MSH3: variants seen among roughly 807,000 people sequenced by gnomAD.
MSH3 encodes mutS homolog 3, also known as DNA mismatch repair protein Msh3.
In MSH3, 106 loss-of-function variants were observed where a neutral mutation model predicts 123.3. The ratio of observed to expected loss-of-function variants is 0.86; its 90% confidence interval spans 0.73 to 1.01. The LOEUF (loss-of-function observed/expected upper bound fraction) is 1.01. Among genes scored for constraint, MSH3 ranks in the 50% least tolerant of loss-of-function variants. The pLI is 0.00. For missense variants in MSH3, 1,459 were observed against 1,347.6 expected (o/e 1.08, Z -1.29); for synonymous variants, 515 against 481.4 (o/e 1.07, Z -0.91).
chr5:80,825,741 A>T (rs1303588188), intron 20 of MSH3, among the ~76,000 whole-genome samples: 1 of 152,236 alleles, frequency 6.6e-6, no homozygotes, highest in African/African-American at 2.4e-5. Flanking sequence ...TGTTCATTTG[A>T]TGATATTTCT....
At chr5:80,806,562 C>T (rs932506900) in intron 19 of MSH3, among the ~76,000 whole-genome samples, 2 of 152,088 alleles carry the variant, frequency 1.3e-5, no homozygotes, top group East Asian at 1.9e-4. Context: ...CTGTTCTGAA[C>T]TCTTATTTTT....
intron 8 of MSH3, among the ~76,000 whole-genome samples, chr5:80,701,837 CTT>C (rs1325373935): frequency 6.6e-6 from 1 of 152,016 alleles, no homozygotes; most frequent in East Asian, 1.9e-4. Flanking sequence ...TTTCTTATCT[CTT>C]GTTTTCAGGC....
chr5:80,775,893 T>TC (rs1320436989), intron 16 of MSH3, 135 bp downstream of exon 16: 1 of 611,534 alleles, frequency 1.6e-6, no homozygotes, highest in Non-Finnish European at 2.9e-6. Flanking sequence ...GATGGAACTT[T>TC]TTTTTTTTTT....
At chr5:80,827,682 C>A (rs181595874) in intron 20 of MSH3, among the ~76,000 whole-genome samples, 1 of 152,218 alleles carries the variant, frequency 6.6e-6, no homozygotes, top group African/African-American at 2.4e-5. Flanking sequence ...GTCTAGCAAA[C>A]ACTAGTTATC....
chr5:80,766,337 TCC>T (rs374299533), intron 13 of MSH3, among the ~76,000 whole-genome samples: 94 of 147,826 alleles, frequency 6.4e-4, no homozygotes, highest in Non-Finnish European at 9.4e-4. Flanking sequence ...TGTGTTTTTT[TCC>T]TTTTTTTTTT....
intron 8 of MSH3, among the ~76,000 whole-genome samples, chr5:80,680,139 AT>A (rs1749942486): frequency 6.6e-6 from 1 of 151,962 alleles, no homozygotes. Context: ...AGACACCTGT[AT>A]TCCCAGCTAC....
At chr5:80,820,508 C>CCTATTCCT (rs1364911575) in intron 20 of MSH3, among the ~76,000 whole-genome samples, 1 of 151,770 alleles carries the variant, frequency 6.6e-6, no homozygotes, top group East Asian at 1.9e-4. Context: ...CCTTTTATCC[C>CCTATTCCT]CTATTCCTAG....
chr5:80,799,700 G>A (rs1025928425), intron 19 of MSH3, among the ~76,000 whole-genome samples: 1 of 151,872 alleles, frequency 6.6e-6, no homozygotes, highest in Non-Finnish European at 1.5e-5. Context: ...ATTTAGTAGT[G>A]ACTATGATTC....
chr5:80,759,753 T>G (rs1318058053), intron 12 of MSH3, among the ~76,000 whole-genome samples: 1 of 152,158 alleles, frequency 6.6e-6, no homozygotes, highest in African/African-American at 2.4e-5. Flanking sequence ...GGAGGCTGTT[T>G]CAATATAATT....
chr5:80,726,221 G>A (rs1209552808), intron 9 of MSH3, among the ~76,000 whole-genome samples: 1 of 152,168 alleles, frequency 6.6e-6, no homozygotes, highest in Admixed American at 6.5e-5. Context: ...TGTGGATGGT[G>A]AGGTGAATAG....
intron 17 of MSH3, among the ~76,000 whole-genome samples, chr5:80,783,472 T>C (rs906599655): frequency 2.6e-5 from 4 of 152,222 alleles, no homozygotes; most frequent in African/African-American, 9.6e-5. Context: ...TATGATAGTT[T>C]TTCATTTTAT....
Position 80,875,931 on chromosome 5 carries a change from G to C in MSH3, c.*69G>C. ...ACCAACTGTACAAAATAACTCTCCAGTAACAGCCTATCTTTGTGTGACATG... is the reference window on the plus strand; with the variant it reads ...ACCAACTGTACAAAATAACTCTCCACTAACAGCCTATCTTTGTGTGACATG... On this transcript the variant is annotated 3_prime_UTR_variant, in exon 24 of 24. Coordinates refer to ENST00000265081, the MANE Select transcript of MSH3 (RefSeq NM_002439.5). 1 of 905,416 alleles carries C rather than the reference G, an allele frequency of 1.1e-6. No individual in the cohort carries two copies. Among genetic ancestry groups the C allele is most frequent in the Non-Finnish European group, 1.8e-6 (1 of 551,984 alleles). 56.1% of individuals were successfully genotyped at this position (905,416 alleles called of 1,614,324 possible).
chr5:80,745,306 G>C (rs1300705486), intron 12 of MSH3, among the ~76,000 whole-genome samples: 1 of 152,170 alleles, frequency 6.6e-6, no homozygotes, highest in Non-Finnish European at 1.5e-5. Context: ...AGATGATTCT[G>C]ATATGCAGAT....
At chr5:80,814,085 C>T (rs577651680) in intron 20 of MSH3, among the ~76,000 whole-genome samples, 1 of 149,922 alleles carries the variant, frequency 6.7e-6, no homozygotes, top group South Asian at 2.1e-4. Flanking sequence ...GAGGTCACAC[C>T]ATTGCACTCC....
intron 2 of MSH3, among the ~76,000 whole-genome samples, chr5:80,658,037 C>CTTTTTTTTTTTTTTTTTTTTTTT (rs397942439): frequency 2.6e-5 from 3 of 116,640 alleles, no homozygotes; most frequent in African/African-American, 1.0e-4. Flanking sequence ...TTTTTGCCCT[C>CTTTTTTTTTTTTTTTTTTTTTTT]TTTTTTTTTT....
chr5:80,767,628 T>A (rs997379519), intron 13 of MSH3, among the ~76,000 whole-genome samples: 1 of 152,166 alleles, frequency 6.6e-6, no homozygotes, highest in African/African-American at 2.4e-5. Flanking sequence ...ACAGATATTA[T>A]CCTTCACATT....
chr5:80,784,269 G>A (rs902133425), intron 17 of MSH3, among the ~76,000 whole-genome samples: 6 of 122,906 alleles, frequency 4.9e-5, no homozygotes, highest in Admixed American at 9.2e-5. Context: ...AAATAAAGTC[G>A]AAGCCAGAGC....
chr5:80,729,477 T>A (rs1341602531), intron 10 of MSH3, among the ~76,000 whole-genome samples: 1 of 147,242 alleles, frequency 6.8e-6, no homozygotes, highest in Non-Finnish European at 1.5e-5. Context: ...TATATATATA[T>A]ATAAAGAATT....
At chr5:80,792,481 A>G (rs937556227) in intron 18 of MSH3, among the ~76,000 whole-genome samples, 2 of 152,082 alleles carry the variant, frequency 1.3e-5, no homozygotes, top group East Asian at 3.8e-4. Context: ...GAAGCCATTT[A>G]TAAGACTCTT....
Sources: allele counts gnomAD v4.1 joint callset (sites outside exome capture counted in the v4.1 genomes callset), GRCh38; gene constraint gnomAD v4.1.1; transcripts MANE v1.5; gene names NCBI Gene and HGNC (gene_info 2026-07-23, HGNC 2026-07-21).